The following CYP4B1 variants were observed in gnomAD, a reference collection of about 807,000 sequenced individuals.
The protein encoded by CYP4B1 is cytochrome P450 family 4 subfamily B member 1, also known as cytochrome P450 4B1.
A neutral mutation model predicts 54.0 loss-of-function variants in CYP4B1; 45 were observed. The ratio of observed to expected loss-of-function variants is 0.83; its 90% confidence interval spans 0.66 to 1.07. The LOEUF (loss-of-function observed/expected upper bound fraction) is 1.07, where lower values mean the gene tolerates loss of function less well. CYP4B1 is among the 50% of genes least tolerant of loss of function. The probability of loss-of-function intolerance (pLI) is 0.00; values close to 1 mark genes in which losing one functional copy is unlikely to be tolerated. For missense variants in CYP4B1, 656 were observed against 655.4 expected (o/e 1.00, Z -0.01); for synonymous variants, 248 against 247.5 (o/e 1.00, Z -0.02).
chr1:46,806,659 T>C (rs1478528061), intron 1 of CYP4B1: 1 of 152,186 alleles, frequency 6.6e-6, no homozygotes, highest in Non-Finnish European at 1.5e-5. Context: ...GAGAGGAAAG[T>C]GGTGACGTAT....
At chr1:46,813,848 T>G (rs1466535682) in intron 5 of CYP4B1, 61 bp from the exon 6 acceptor site, 17 of 1,583,396 alleles carry the variant, frequency 1.1e-5, no homozygotes, top group Non-Finnish European at 1.4e-5. Flanking sequence ...GGAATGGAGT[T>G]TCTCTGGCTC....
chr1:46,812,554 A>G lies in CYP4B1; in HGVS notation c.426A>G (p.Thr142=), dbSNP rs151255408. Reference sequence around the variant, plus strand: ...GGTTGCAGCACCGCAAGCTGCTCACACCTGGCTTTCATTATGATGTGCTGA... The same window carrying G: ...GGTTGCAGCACCGCAAGCTGCTCACGCCTGGCTTTCATTATGATGTGCTGA... The part of the protein sequence containing the change: ...PKWLQHRKLL[T]PGFHYDVLKP... The change falls in exon 4 of 12, where the codon ACA becomes ACG. Residue 142 remains threonine, a synonymous_variant. Transcript: ENST00000371923. The G allele has an allele frequency of 8.7e-5, 140 of 1,614,118 alleles. No individual in the cohort carries two copies. In the African/African-American group the frequency reaches 1.7e-3, roughly 20 times the overall value.
At chr1:46,812,965 T>TG (rs1371158348) in intron 4 of CYP4B1, among the ~76,000 whole-genome samples, 1 of 152,180 alleles carries the variant, frequency 6.6e-6, no homozygotes, top group Non-Finnish European at 1.5e-5. Context: ...TTTGAGAGTA[T>TG]GGGGAAAGGC....
chr1:46,803,218 C>T (rs1049675028), intron 1 of CYP4B1, among the ~76,000 whole-genome samples: 12 of 152,148 alleles, frequency 7.9e-5, no homozygotes, highest in African/African-American at 1.7e-4. Flanking sequence ...TTCAAGGTGG[C>T]GAACAGATTG....
intron 7 of CYP4B1, chr1:46,814,724 C>A: frequency 2.8e-6 from 1 of 355,368 alleles, no homozygotes; most frequent in South Asian, 3.8e-5. Flanking sequence ...AAGACCTGGC[C>A]CTTCCTTCCA....
intron 1 of CYP4B1, among the ~76,000 whole-genome samples, chr1:46,801,745 A>G (rs919825045): frequency 6.6e-6 from 1 of 152,206 alleles, no homozygotes; most frequent in African/African-American, 2.4e-5. Flanking sequence ...TGAAGTTCAG[A>G]GAGTGCAAAG....
intron 3 of CYP4B1, among the ~76,000 whole-genome samples, chr1:46,811,911 T>A (rs924311312): frequency 4.6e-5 from 7 of 152,196 alleles, no homozygotes; most frequent in African/African-American, 1.7e-4. Context: ...CTGGGAAGAC[T>A]TTTTGCTTCT....
chr1:46,815,493 A>C, intron 8 of CYP4B1: 1 of 395,854 alleles, frequency 2.5e-6, no homozygotes, highest in Non-Finnish European at 4.5e-6. Flanking sequence ...TTATGTAGAG[A>C]AAGTTGTCAA....
chr1:46,800,913 C>G (rs1045213807), intron 1 of CYP4B1, among the ~76,000 whole-genome samples: 4 of 152,148 alleles, frequency 2.6e-5, no homozygotes, highest in Admixed American at 6.5e-5. Flanking sequence ...CAGAGCCTTG[C>G]TCCCGAGCTG....
chr1:46,807,214 G>A (rs555879642), intron 1 of CYP4B1, among the ~76,000 whole-genome samples: 7 of 152,282 alleles, frequency 4.6e-5, no homozygotes, highest in Admixed American at 6.5e-5. Flanking sequence ...CTGCGACCTC[G>A]ATCAGGGCAC....
rs1267619382 is a variant in CYP4B1 at position 46,818,873 on chromosome 1, C to T, written c.*59C>T. On this transcript the variant is annotated 3_prime_UTR_variant, in exon 12 of 12. Transcript: ENST00000371923. ...CTGTGACCTCCCTGGGCACCACCCT[C>T]CCCAGGCTGGGTGTGGAGGAGTTGG... 9.6e-6 allele frequency: 15 copies of T among 1,562,484 alleles called. No homozygotes were observed. The Admixed American group carries it at 2.6e-4, about 27-fold the overall frequency.
chr1:46,804,844 G>T (rs576766696), intron 1 of CYP4B1, among the ~76,000 whole-genome samples: 2 of 152,330 alleles, frequency 1.3e-5, no homozygotes, highest in South Asian at 4.1e-4. Flanking sequence ...CATTTCTGCT[G>T]ATCTTTGCTG....
intron 9 of CYP4B1, 88 bp from the exon 10 acceptor site, chr1:46,817,877 A>T: frequency 1.7e-6 from 2 of 1,158,560 alleles, no homozygotes; most frequent in Non-Finnish European, 2.6e-6. Context: ...CACCCCAGTT[A>T]AGGGGTCACT....
chr1:46,809,191 C>A (rs113212338), intron 1 of CYP4B1, among the ~76,000 whole-genome samples: 8 of 102,006 alleles, frequency 7.8e-5, no homozygotes, highest in East Asian at 3.0e-4. Flanking sequence ...AAAAACAAAA[C>A]AAAACAAAAC....
In CYP4B1 at chr1:46,799,214, A is replaced by G. The variant is rs1678507411; in HGVS notation, c.133A>G (p.Lys45Glu). 6.2e-7 allele frequency: 1 copy of G among 1,606,596 alleles called. No individual in the cohort carries two copies. The highest frequency in any genetic ancestry group is 8.5e-7 in the Non-Finnish European group (1 of 1,176,614). Residue 45 changes from lysine (K) to glutamate (E), a missense_variant, in exon 1 of 12, where the codon AAA becomes GAA. Lys to Glu is a moderately conservative substitution (Grantham distance 56, BLOSUM62 1). Coordinates refer to ENST00000371923, the MANE Select transcript of CYP4B1 (RefSeq NM_001099772.2). ...GCAGACGTTGGCTAAGGCTATGGAC[A>G]AATTCCCAGGGCCTCCCACCCACTG... is the stretch of plus-strand genomic sequence containing the variant. ...RRQTLAKAMD[K>E]FPGPPTHWLF...
rs1454215458 is a variant in CYP4B1, at chr1:46,801,341, G to A, written c.180+2080G>A. On this transcript the variant is annotated intron_variant, in intron 1 of 11. Coordinates refer to ENST00000371923, the MANE Select transcript of CYP4B1 (RefSeq NM_001099772.2). ...TCCCTCTCCACTTCTACCTGCCTTC[G>A]TCAAAGTTGTGTTTGCCCTCAGCCA... Among the ~76,000 whole-genome samples the A allele has an allele frequency of 9.2e-5, 14 of 152,270 alleles. No homozygotes were observed. The East Asian group carries it at 2.1e-3, about 23-fold the overall frequency.
intron 1 of CYP4B1, among the ~76,000 whole-genome samples, chr1:46,809,239 A>G (rs1678997897): frequency 6.6e-6 from 1 of 152,174 alleles, no homozygotes; most frequent in South Asian, 2.1e-4. Flanking sequence ...GAACTCACTC[A>G]ATCCTGCCAG....
Position 46,817,987 on chromosome 1 carries a change from C to A in CYP4B1, c.1230C>A (p.Ile410=), listed in dbSNP as rs1679403553. Residue 410 remains isoleucine (I), a synonymous_variant, in exon 10 of 12, where the codon ATC becomes ATA. Coordinates refer to ENST00000371923, the MANE Select transcript of CYP4B1 (RefSeq NM_001099772.2). ...CAGGAAGCCTGATCTCTATGCATATCTATGCCCTCCATAGGAACAGTGCTG... is the reference window on the plus strand; with the variant it reads ...CAGGAAGCCTGATCTCTATGCATATATATGCCCTCCATAGGAACAGTGCTG... ...LPAGSLISMH[I]YALHRNSAVW... The A allele has an allele frequency of 6.2e-7, 1 of 1,614,192 alleles. No homozygotes were observed. The highest frequency in any genetic ancestry group is 8.5e-7 in the Non-Finnish European group (1 of 1,180,010).
rs45574436 is a variant in CYP4B1, at chr1:46,815,013, G to A, written c.883-61G>A. 1.3e-3 allele frequency: 1,948 copies of A among 1,480,702 alleles called. 15 individuals are homozygous for A. In the African/African-American group the frequency reaches 0.023, roughly 17 times the overall value. 91.7% of individuals were successfully genotyped at this position (1,480,702 alleles called of 1,614,324 possible). A position where few individuals can be genotyped will look rare whatever the true frequency, so the allele number is the denominator to read the frequency against. Reference sequence around the variant, plus strand: ...CTTCATTTGACAACCACCATTATGAGTTCTTCTTGTTACCCACCTCCAATA... The same window carrying A: ...CTTCATTTGACAACCACCATTATGAATTCTTCTTGTTACCCACCTCCAATA... On this transcript the variant is annotated intron_variant, in intron 7 of 11. Transcript: ENST00000371923.
Sources: allele counts gnomAD v4.1 joint callset (sites outside exome capture counted in the v4.1 genomes callset), GRCh38; gene constraint gnomAD v4.1.1; transcripts MANE v1.5; gene names NCBI Gene and HGNC (gene_info 2026-07-23, HGNC 2026-07-21).